Variants in TPD52 observed in about 807,000 individuals in gnomAD.
TPD52 encodes tumor protein D52.
Under a neutral mutation model 31.3 loss-of-function variants are expected in TPD52, and 17 were observed. That is an observed-to-expected ratio of 0.54 (90% CI 0.37 to 0.82). The LOEUF is 0.82. Ranked by LOEUF, TPD52 falls within the 40% of genes least tolerant of loss-of-function variation. TPD52 has a pLI of 0.00. For synonymous variants in TPD52, 83 were observed against 89.6 expected (o/e 0.93, Z 0.42); for missense variants, 212 against 240.1 (o/e 0.88, Z 0.77).
chr8:80,154,361 G>T (rs1026368957), intron 1 of TPD52, among the ~76,000 whole-genome samples: 1 of 152,112 alleles, frequency 6.6e-6, no homozygotes, highest in Non-Finnish European at 1.5e-5. Context: ...CTCTGGAGTC[G>T]AACCCTCCCT....
intron 1 of TPD52, among the ~76,000 whole-genome samples, chr8:80,105,240 TC>T (rs1269307563): frequency 1.3e-5 from 2 of 151,910 alleles, no homozygotes; most frequent in African/African-American, 4.8e-5. Flanking sequence ...AATTTCTGCC[TC>T]CAAAGAAAGA....
chr8:80,057,097 G>A (rs966766963), intron 2 of TPD52, among the ~76,000 whole-genome samples: 3 of 152,192 alleles, frequency 2.0e-5, no homozygotes, highest in Admixed American at 6.5e-5. Flanking sequence ...CAACCTAGGA[G>A]GCAGAGGTTG....
chr8:80,162,765 C>G (rs1180566745), intron 1 of TPD52, among the ~76,000 whole-genome samples: 1 of 151,676 alleles, frequency 6.6e-6, no homozygotes, highest in East Asian at 1.9e-4. Flanking sequence ...CTAATCTGAT[C>G]AAAAACAGGC....
intron 1 of TPD52, among the ~76,000 whole-genome samples, chr8:80,170,554 G>T (rs1812010974): frequency 6.6e-6 from 1 of 152,162 alleles, no homozygotes; most frequent in Non-Finnish European, 1.5e-5. Flanking sequence ...ACTTGTGTCA[G>T]GGCTCAAAAC....
chr8:80,050,422 G>C (rs772586616), intron 5 of TPD52, 23 bp downstream of exon 5: 1 of 1,603,174 alleles, frequency 6.2e-7, no homozygotes, highest in African/African-American at 1.3e-5. Context: ...CTGGACTGCA[G>C]TGATGGTTCA....
At chr8:80,050,932 G>C (rs574253482) in intron 4 of TPD52, among the ~76,000 whole-genome samples, 8 of 151,728 alleles carry the variant, frequency 5.3e-5, no homozygotes, top group African/African-American at 1.2e-4. Flanking sequence ...ATGAGTGAAG[G>C]GGGGGCACAA....
rs377536179 is a variant in TPD52 at position 80,164,150 on chromosome 8, T to C, written c.19+7275A>G. 1.4e-3 allele frequency among the ~76,000 whole-genome samples: 219 copies of C among 152,064 alleles called. 1 individual carries two copies. Among genetic ancestry groups the C allele is most frequent in the African/African-American group, 5.1e-3 (211 of 41,480 alleles). On this transcript the variant is annotated intron_variant, in intron 1 of 7. Coordinates refer to ENST00000518937, the MANE Select transcript of TPD52 (RefSeq NM_001025253.3). The stretch of plus-strand genomic sequence containing the variant: ...TGAATTTTCACCTAGATAAGTTGAT[T>C]CTAATGTTCGTTTGGAAATAGTCTG...
intron 1 of TPD52, among the ~76,000 whole-genome samples, chr8:80,138,098 C>G (rs1809563910): frequency 6.6e-6 from 1 of 152,158 alleles, no homozygotes; most frequent in African/African-American, 2.4e-5. Flanking sequence ...CATGCGCCAC[C>G]ACGCCCGGCT....
chr8:80,129,488 C>G (rs925935888), intron 1 of TPD52, among the ~76,000 whole-genome samples: 4 of 152,162 alleles, frequency 2.6e-5, no homozygotes, highest in Non-Finnish European at 5.9e-5. Flanking sequence ...GGCCGGATAG[C>G]AACGTCAGCA....
chr8:80,092,314 C>A (rs1010615576), intron 1 of TPD52, among the ~76,000 whole-genome samples: 2 of 152,182 alleles, frequency 1.3e-5, no homozygotes, highest in Non-Finnish European at 1.5e-5. Flanking sequence ...ATCCTCCCCC[C>A]ACCCACTGAC....
At chr8:80,169,547 A>G (rs1811940318) in intron 1 of TPD52, among the ~76,000 whole-genome samples, 1 of 152,234 alleles carries the variant, frequency 6.6e-6, no homozygotes, top group Non-Finnish European at 1.5e-5. Context: ...CTTACCACCC[A>G]AGCTAGAACA....
intron 1 of TPD52, among the ~76,000 whole-genome samples, chr8:80,139,684 T>C (rs1310156633): frequency 6.6e-6 from 1 of 152,168 alleles, no homozygotes; most frequent in Non-Finnish European, 1.5e-5. Flanking sequence ...CGCCTCCCAA[T>C]GCACTTGAAC....
downstream of TPD52, among the ~76,000 whole-genome samples, chr8:80,032,038 A>C (rs1809705405): frequency 6.6e-6 from 1 of 151,712 alleles, no homozygotes; most frequent in South Asian, 2.1e-4. Context: ...CTGTAATCCC[A>C]TCCACTCAGG....
rs142049584 is a variant in TPD52, at chr8:80,138,906, G to A, written c.19+32519C>T. Among the ~76,000 whole-genome samples the A allele has an allele frequency of 3.9e-4, 60 of 152,108 alleles. 1 individual carries two copies. The highest frequency in any genetic ancestry group is 1.3e-3 in the African/African-American group (53 of 41,490). ...ATTAGTATTCTCAACTTTCAAACAC[G>A]AGCCAACCAGATGACCTGTTTCCAG... On this transcript the variant is annotated intron_variant, in intron 1 of 7. Coordinates refer to ENST00000518937, the MANE Select transcript of TPD52 (RefSeq NM_001025253.3).
At chr8:80,088,968 T>A (rs1036445447) in intron 1 of TPD52, among the ~76,000 whole-genome samples, 1 of 152,196 alleles carries the variant, frequency 6.6e-6, no homozygotes, top group Non-Finnish European at 1.5e-5. Context: ...GTGCTGGGAT[T>A]ACAGGCGTGA....
intron 1 of TPD52, among the ~76,000 whole-genome samples, chr8:80,122,696 T>C (rs1808340881): frequency 6.6e-6 from 1 of 152,216 alleles, no homozygotes; most frequent in African/African-American, 2.4e-5. Context: ...TCCAAGAGTG[T>C]AATACAGTGC....
intron 1 of TPD52, among the ~76,000 whole-genome samples, chr8:80,159,151 G>A (rs1811188953): frequency 6.6e-6 from 1 of 152,022 alleles, no homozygotes; most frequent in South Asian, 2.1e-4. Context: ...AGTATCTATT[G>A]AGCACCAGTA....
intron 2 of TPD52, among the ~76,000 whole-genome samples, chr8:80,058,671 G>A (rs1812166973): frequency 6.6e-6 from 1 of 152,164 alleles, no homozygotes; most frequent in African/African-American, 2.4e-5. Flanking sequence ...GGTGGCACAC[G>A]CCTGTAGTCC....
At chr8:80,061,171 G>GC (rs35205064) in intron 2 of TPD52, among the ~76,000 whole-genome samples, 93,577 of 151,514 alleles carry the variant, frequency 0.62, 28,996 homozygotes, top group East Asian at 0.76. Flanking sequence ...TTCACAACCA[G>GC]CTGACCAATA....
Sources: allele counts gnomAD v4.1 joint callset (sites outside exome capture counted in the v4.1 genomes callset), GRCh38; gene constraint gnomAD v4.1.1; transcripts MANE v1.5; gene names NCBI Gene and HGNC (gene_info 2026-07-23, HGNC 2026-07-21).